RBM19: variants seen among roughly 807,000 people sequenced by gnomAD.
RBM19 encodes the protein probable RNA-binding protein 19.
A neutral mutation model predicts 116.8 loss-of-function variants in RBM19; 94 were observed. The observed-to-expected ratio is 0.80, with a 90% CI of 0.68 to 0.95. The LOEUF is 0.95. Among genes scored for constraint, RBM19 ranks in the 40% least tolerant of loss-of-function variants. RBM19 has a pLI of 0.00. For synonymous variants in RBM19, 475 were observed against 494.1 expected (o/e 0.96, Z 0.51); for missense variants, 1,161 against 1,220.7 (o/e 0.95, Z 0.73).
At chr12:113,876,127 G>C (rs1445624587) in intron 21 of RBM19, among the ~76,000 whole-genome samples, 1 of 152,254 alleles carries the variant, frequency 6.6e-6, no homozygotes, top group Non-Finnish European at 1.5e-5. Context: ...AGGATTCTCT[G>C]ACTGGATTCA....
At chr12:113,910,783 T>C (rs1882380044) in intron 21 of RBM19, among the ~76,000 whole-genome samples, 1 of 151,980 alleles carries the variant, frequency 6.6e-6, no homozygotes, top group African/African-American at 2.4e-5. Flanking sequence ...AGCTCTGTTT[T>C]TAACACCACT....
At chr12:113,958,311 C>G (rs1294011747) in intron 5 of RBM19, among the ~76,000 whole-genome samples, 2 of 152,192 alleles carry the variant, frequency 1.3e-5, no homozygotes, top group East Asian at 3.9e-4. Flanking sequence ...TAGTCCTCTA[C>G]ACGGCAGCCT....
intron 13 of RBM19, among the ~76,000 whole-genome samples, chr12:113,944,093 G>GTTTTTTTTTTTTTTTTTTTTTTT (rs71433305): frequency 8.9e-5 from 6 of 67,662 alleles, no homozygotes; most frequent in Non-Finnish European, 7.7e-5. Flanking sequence ...CCAGATGCAT[G>GTTTTTTTTTTTTTTTTTTTTTTT]TTTTTTTTTT....
intron 23 of RBM19, among the ~76,000 whole-genome samples, chr12:113,824,083 G>T (rs1874649291): frequency 6.6e-6 from 1 of 152,188 alleles, no homozygotes; most frequent in Non-Finnish European, 1.5e-5. Flanking sequence ...AAAGCACGGA[G>T]GTAGGAAAGG....
intron 20 of RBM19, 118 bp downstream of exon 20, chr12:113,918,274 G>A: frequency 1.0e-6 from 1 of 996,364 alleles, no homozygotes; most frequent in Non-Finnish European, 1.6e-6. Context: ...AGTCCTAAAT[G>A]GTAAAGGGAT....
intron 23 of RBM19, among the ~76,000 whole-genome samples, chr12:113,826,375 C>T (rs1193322138): frequency 6.6e-6 from 1 of 152,188 alleles, no homozygotes; most frequent in African/African-American, 2.4e-5. Flanking sequence ...GTGCCTGGCA[C>T]ATAGTAGATG....
At chr12:113,829,275 C>A (rs1350742394) in intron 23 of RBM19, among the ~76,000 whole-genome samples, 2 of 152,240 alleles carry the variant, frequency 1.3e-5, no homozygotes, top group Non-Finnish European at 2.9e-5. Flanking sequence ...GCCACTACGT[C>A]CAGCCAGTTG....
At chr12:113,874,595 G>A (rs898697081) in intron 21 of RBM19, among the ~76,000 whole-genome samples, 2 of 152,340 alleles carry the variant, frequency 1.3e-5, no homozygotes, top group African/African-American at 2.4e-5. Context: ...CCTGGGGACA[G>A]TAACCAGCTT....
intron 23 of RBM19, among the ~76,000 whole-genome samples, chr12:113,833,816 T>G (rs1020931412): frequency 2.0e-5 from 3 of 152,340 alleles, no homozygotes; most frequent in Admixed American, 2.0e-4. Flanking sequence ...TAATCATGGC[T>G]TGCTGCAGCC....
At chr12:113,932,135 G>C (rs1392154837) in intron 16 of RBM19, among the ~76,000 whole-genome samples, 1 of 152,226 alleles carries the variant, frequency 6.6e-6, no homozygotes, top group Non-Finnish European at 1.5e-5. Flanking sequence ...ACAGGCCTCA[G>C]AGTTGATGGC....
Position 113,936,450 on chromosome 12 carries a change from T to G in RBM19, c.2068+557A>C, listed in dbSNP as rs144301947. Reference sequence around the variant, plus strand: ...GACACTCAGAGGCACAGGCCAGGGATGTGAAATGTCTTGTGATTTGCAAAG... The same window carrying G: ...GACACTCAGAGGCACAGGCCAGGGAGGTGAAATGTCTTGTGATTTGCAAAG... On this transcript the variant is annotated intron_variant, in intron 16 of 23. Coordinates refer to ENST00000261741, the MANE Select transcript of RBM19 (RefSeq NM_016196.4). Among the ~76,000 whole-genome samples the G allele has an allele frequency of 1.7e-4, 26 of 152,320 alleles. No homozygotes were observed. In the East Asian group the frequency reaches 3.9e-3, roughly 23 times the overall value.
At chr12:113,859,532 C>G (rs1006486417) in intron 21 of RBM19, among the ~76,000 whole-genome samples, 1 of 152,190 alleles carries the variant, frequency 6.6e-6, no homozygotes, top group African/African-American at 2.4e-5. Context: ...TCAGGCAAAG[C>G]TCTGGAGAAG....
At position 113,947,426 on chromosome 12, in the gene RBM19, T is replaced by G; in HGVS notation, c.1315A>C (p.Thr439Pro). The change falls in exon 11 of 24, where the codon ACC becomes CCC. Residue 439 changes from threonine (T) to proline (P), a missense_variant. Coordinates refer to ENST00000261741, the MANE Select transcript of RBM19 (RefSeq NM_016196.4). ...SELHYPIDSL[T>P]KKPKGFAFIT... ...AATGCAAAACCCTTGGGTTTCTTGG[T>G]CAGGCTGTCGATGGGGTAGTGGAGC... 6.2e-7 allele frequency: 1 copy of G among 1,610,328 alleles called. No individual in the cohort carries two copies. The highest frequency in any genetic ancestry group is 1.3e-5 in the African/African-American group (1 of 74,984).
In RBM19 at chr12:113,898,752, A is replaced by G. The variant is rs1881503078; in HGVS notation, c.2558+16217T>C. Among the ~76,000 whole-genome samples the G allele has an allele frequency of 6.6e-6, 1 of 152,256 alleles. No individual in the cohort carries two copies. Among genetic ancestry groups the G allele is most frequent in the African/African-American group, 2.4e-5 (1 of 41,470 alleles). Reference sequence around the variant, plus strand: ...TGCATTAGTATTACTGACGTAAAAGAACCGAAACAGATTATAGATCTGGAC... The same window carrying G: ...TGCATTAGTATTACTGACGTAAAAGGACCGAAACAGATTATAGATCTGGAC... On this transcript the variant is annotated intron_variant, in intron 21 of 23. Coordinates refer to ENST00000261741, the MANE Select transcript of RBM19 (RefSeq NM_016196.4). The surrounding 1 kb of genome is among the most constrained non-coding windows in gnomAD (Gnocchi z 4.3).
intron 14 of RBM19, among the ~76,000 whole-genome samples, chr12:113,940,870 C>G (rs1320159824): frequency 6.6e-6 from 1 of 152,222 alleles, no homozygotes; most frequent in Non-Finnish European, 1.5e-5. Flanking sequence ...TGCCTCAGCT[C>G]CCGCAGCGAC....
At chr12:113,878,471 A>T (rs978193821) in intron 21 of RBM19, among the ~76,000 whole-genome samples, 1 of 152,136 alleles carries the variant, frequency 6.6e-6, no homozygotes, top group Non-Finnish European at 1.5e-5. Flanking sequence ...GTTTCCAGGG[A>T]TCCTGCCACT....
At chr12:113,949,624 GT>G (rs774717021) in intron 9 of RBM19, among the ~76,000 whole-genome samples, 4 of 152,094 alleles carry the variant, frequency 2.6e-5, no homozygotes, top group Non-Finnish European at 5.9e-5. Flanking sequence ...ACATCCCTGG[GT>G]ATTGTTCAGA....
chr12:113,883,035 A>C (rs890353470), intron 21 of RBM19, among the ~76,000 whole-genome samples: 2 of 152,192 alleles, frequency 1.3e-5, no homozygotes, highest in Admixed American at 6.5e-5. Flanking sequence ...AAGGAGAGAA[A>C]GAGAGACAGA....
intron 21 of RBM19, among the ~76,000 whole-genome samples, chr12:113,906,019 A>G (rs1882019534): frequency 6.6e-6 from 1 of 152,248 alleles, no homozygotes; most frequent in Admixed American, 6.5e-5. Context: ...TGACCGTGGA[A>G]GGAAGCGCAA....
Sources: allele counts gnomAD v4.1 joint callset (sites outside exome capture counted in the v4.1 genomes callset), GRCh38; gene constraint gnomAD v4.1.1; non-coding constraint Gnocchi (gnomAD v3.1); transcripts MANE v1.5; gene names NCBI Gene and HGNC (gene_info 2026-07-23, HGNC 2026-07-21).